The following DENND5A variants were observed in gnomAD, a reference collection of about 807,000 sequenced individuals.
DENND5A encodes DENN domain-containing protein 5A.
Under a neutral mutation model 140.3 loss-of-function variants are expected in DENND5A, and 64 were observed. That is an observed-to-expected ratio of 0.46 (90% CI 0.37 to 0.56). The LOEUF is 0.56. Ranked by LOEUF, DENND5A falls within the 20% of genes least tolerant of loss-of-function variation. DENND5A has a pLI of 0.00. For missense variants in DENND5A, 1,292 were observed against 1,593.8 expected (o/e 0.81, Z 3.22); for synonymous variants, 605 against 607.7 (o/e 1.00, Z 0.07).
chr11:9,160,903 T>G, intron 11 of DENND5A, 38 bp from the exon 12 acceptor site: 1 of 1,605,310 alleles, frequency 6.2e-7, no homozygotes, highest in Non-Finnish European at 8.5e-7. Flanking sequence ...ATAACCACAG[T>G]GAGCAGGATT....
chr11:9,162,289 A>T (rs1590219985), intron 11 of DENND5A, among the ~76,000 whole-genome samples: 1 of 123,188 alleles, frequency 8.1e-6, no homozygotes, highest in Non-Finnish European at 1.6e-5. Context: ...CCCAGGCTGG[A>T]GTGCAATGGC....
intron 1 of DENND5A, among the ~76,000 whole-genome samples, chr11:9,221,967 C>T (rs902446460): frequency 6.6e-5 from 10 of 151,478 alleles, no homozygotes; most frequent in Admixed American, 5.3e-4. Flanking sequence ...CAGTGTTGGC[C>T]AGGATGGTCT....
At chr11:9,250,587 GA>G (rs1314604211) in intron 1 of DENND5A, among the ~76,000 whole-genome samples, 1 of 152,118 alleles carries the variant, frequency 6.6e-6, no homozygotes, top group Non-Finnish European at 1.5e-5. Context: ...AGAAGACCTG[GA>G]TTCTAACAGA....
chr11:9,249,468 C>T (rs1851621085), intron 1 of DENND5A, among the ~76,000 whole-genome samples: 1 of 152,134 alleles, frequency 6.6e-6, no homozygotes, highest in African/African-American at 2.4e-5. Context: ...CAGGCTCAAA[C>T]GATCCTCCCA....
intron 1 of DENND5A, among the ~76,000 whole-genome samples, chr11:9,227,291 G>C (rs145332952): frequency 6.6e-6 from 1 of 152,072 alleles, no homozygotes; most frequent in Non-Finnish European, 1.5e-5. Flanking sequence ...ACATTGAGCC[G>C]TTTTGCTACA....
rs1209981721 is a variant in DENND5A at position 9,193,608 on chromosome 11, A to C, written c.1023T>G (p.Tyr341Ter). The C allele has an allele frequency of 1.2e-6, 2 of 1,614,150 alleles. No homozygotes were observed. The highest frequency in any genetic ancestry group is 1.7e-6 in the Non-Finnish European group (2 of 1,180,006). The change falls in exon 5 of 23, where the codon TAT (tyrosine) becomes TAG (stop). Residue 341 changes from tyrosine (Y) to a stop codon, truncating the protein, a stop_gained. Coordinates refer to ENST00000328194, the MANE Select transcript of DENND5A (RefSeq NM_015213.4). LOFTEE classifies it high-confidence loss of function. Reference sequence around the variant, plus strand: ...GGAGAGAAGCTGGGAGAATAGGGACATAGACATGCTGCCACTGGAAAGGAA... The same window carrying C: ...GGAGAGAAGCTGGGAGAATAGGGACCTAGACATGCTGCCACTGGAAAGGAA... ...LMFPFQWQHV[Y>*]VPILPASLLH...
At chr11:9,177,405 A>G (rs1043167372) in intron 8 of DENND5A, among the ~76,000 whole-genome samples, 4 of 151,976 alleles carry the variant, frequency 2.6e-5, no homozygotes, top group African/African-American at 9.7e-5. Flanking sequence ...TAATGCCAAC[A>G]CTTTGGGAGG....
intron 4 of DENND5A, among the ~76,000 whole-genome samples, chr11:9,198,252 A>T (rs1229057293): frequency 3.9e-5 from 6 of 152,040 alleles, no homozygotes; most frequent in Non-Finnish European, 5.9e-5. Flanking sequence ...AACACTACAA[A>T]AATCTAGAAG....
At chr11:9,247,795 G>C (rs922388545) in intron 1 of DENND5A, among the ~76,000 whole-genome samples, 2 of 152,134 alleles carry the variant, frequency 1.3e-5, no homozygotes, top group Non-Finnish European at 2.9e-5. Flanking sequence ...TGCTAGATCT[G>C]GGAAAGCCCT....
At position 9,207,567 on chromosome 11, in the gene DENND5A, T is replaced by C. The variant is rs1386258028; in HGVS notation, c.175A>G (p.Thr59Ala). The C allele has an allele frequency of 6.2e-7, 1 of 1,612,556 alleles. No homozygotes were observed. The highest frequency in any genetic ancestry group is 8.5e-7 in the Non-Finnish European group (1 of 1,178,758). The change falls in exon 2 of 23, where the codon ACT (threonine) becomes GCT (alanine). Residue 59 changes from threonine to alanine, a missense_variant. Thr to Ala is a moderately conservative substitution (Grantham distance 58). Coordinates refer to ENST00000328194, the MANE Select transcript of DENND5A (RefSeq NM_015213.4). ...DGASPFISST[T>A]EGENFEQTPL... ...AATTTTGTTTTGTTTTTACCTTCAG[T>C]CGTACTTGAAATGAAAGGGCTGGCA... is the stretch of plus-strand genomic sequence containing the variant.
chr11:9,235,995 C>T (rs907224143), intron 1 of DENND5A, among the ~76,000 whole-genome samples: 14 of 152,118 alleles, frequency 9.2e-5, no homozygotes, highest in African/African-American at 3.1e-4. Flanking sequence ...AATCTCAGCA[C>T]TTTGGGAGGA....
chr11:9,260,787 C>T (rs976468646), intron 1 of DENND5A, among the ~76,000 whole-genome samples: 2 of 152,170 alleles, frequency 1.3e-5, no homozygotes, highest in Non-Finnish European at 2.9e-5. Context: ...ATCCAATTAC[C>T]TCAGTCTATA....
chr11:9,161,352 A>C (rs906418098), intron 11 of DENND5A, among the ~76,000 whole-genome samples: 2 of 152,190 alleles, frequency 1.3e-5, no homozygotes, highest in Admixed American at 6.5e-5. Context: ...CGTCTCAAAA[A>C]AAAAAAAATA....
At chr11:9,150,340 A>T in intron 14 of DENND5A, 131 bp from the exon 15 acceptor site, 1 of 1,143,334 alleles carries the variant, frequency 8.7e-7, no homozygotes, top group Non-Finnish European at 1.2e-6. Context: ...CTATCTCTAT[A>T]TTCTCCAAAT....
chr11:9,258,836 A>AATT (rs1852066442), intron 1 of DENND5A, among the ~76,000 whole-genome samples: 1 of 152,220 alleles, frequency 6.6e-6, no homozygotes, highest in African/African-American at 2.4e-5. Flanking sequence ...CTTTCATGTT[A>AATT]ACATTCGATA....
At chr11:9,235,304 T>A (rs1850954033) in intron 1 of DENND5A, among the ~76,000 whole-genome samples, 1 of 152,078 alleles carries the variant, frequency 6.6e-6, no homozygotes, top group African/African-American at 2.4e-5. Context: ...TAATACAATA[T>A]TATTCAGCCA....
intron 4 of DENND5A, among the ~76,000 whole-genome samples, chr11:9,200,096 T>C (rs1849474114): frequency 6.6e-6 from 1 of 152,200 alleles, no homozygotes; most frequent in Non-Finnish European, 1.5e-5. Context: ...GTAACCCATA[T>C]TCTAGGAAAT....
At chr11:9,238,423 T>G (rs570682132) in intron 1 of DENND5A, among the ~76,000 whole-genome samples, 3 of 149,566 alleles carry the variant, frequency 2.0e-5, no homozygotes. Flanking sequence ...TGTCTTTAAA[T>G]TACTTTTTTT....
At position 9,256,470 on chromosome 11, in the gene DENND5A, AAAG is replaced by A. The variant is rs1026307774; in HGVS notation, c.109+8488_109+8490del. 2.6e-5 allele frequency among the ~76,000 whole-genome samples: 4 copies of A among 152,322 alleles called. No homozygotes were observed. The East Asian group carries it at 5.8e-4, about 22-fold the overall frequency. ...AATGAAACTCTGTCTCAGAAAAAAA[AAAG>A]AAGAAAACAATCCAATGTCCTTCCA... On this transcript the variant is annotated intron_variant, in intron 1 of 22. Coordinates refer to ENST00000328194, the MANE Select transcript of DENND5A (RefSeq NM_015213.4).
Sources: allele counts gnomAD v4.1 joint callset (sites outside exome capture counted in the v4.1 genomes callset), GRCh38; gene constraint gnomAD v4.1.1; transcripts MANE v1.5; gene names NCBI Gene and HGNC (gene_info 2026-07-23, HGNC 2026-07-21).